RIMS2: variants seen among roughly 807,000 people sequenced by gnomAD.
The protein encoded by RIMS2 is regulating synaptic membrane exocytosis protein 2.
A neutral mutation model predicts 174.4 loss-of-function variants in RIMS2; 59 were observed. That is an observed-to-expected ratio of 0.34 (90% CI 0.27 to 0.42). RIMS2 has a LOEUF of 0.42. Ranked by LOEUF, RIMS2 falls within the 10% of genes least tolerant of loss-of-function variation. The pLI, the probability that RIMS2 is intolerant of heterozygous loss-of-function variation, is 1.00. For missense variants in RIMS2, 1,620 were observed against 1,666.3 expected (o/e 0.97, Z 0.48); for synonymous variants, 606 against 572.5 (o/e 1.06, Z -0.84).
chr8:104,190,797 C>T (rs1563653831), intron 19 of RIMS2, among the ~76,000 whole-genome samples: 1 of 151,948 alleles, frequency 6.6e-6, no homozygotes, highest in African/African-American at 2.4e-5. Context: ...TAATTTCAAG[C>T]CTTCAAAAAT....
At chr8:104,054,095 T>G (rs557444360) in intron 19 of RIMS2, among the ~76,000 whole-genome samples, 62 of 152,134 alleles carry the variant, frequency 4.1e-4, no homozygotes, top group African/African-American at 1.4e-3. Flanking sequence ...AAGAAAAAAA[T>G]AAAAACTCGG....
rs2096605661 is a variant in RIMS2 at position 104,041,361 on chromosome 8, C to T, written c.3334+26746C>T. 1.4e-6 allele frequency: 1 copy of T among 690,760 alleles called. No homozygotes were observed. The highest frequency in any genetic ancestry group is 1.5e-5 in the South Asian group (1 of 65,324). 42.8% of individuals were successfully genotyped at this position (690,760 alleles called of 1,614,324 possible). On this transcript the variant is annotated intron_variant, in intron 19 of 23. Transcript: ENST00000504942. The stretch of plus-strand genomic sequence containing the variant: ...CTCTACAAGGAGAAGATATGCAGGT[C>T]TGTCTCTTCTGCTTTTTTTGTTATT...
At chr8:104,012,691 A>G (rs906148101) in intron 17 of RIMS2, among the ~76,000 whole-genome samples, 1 of 152,162 alleles carries the variant, frequency 6.6e-6, no homozygotes, top group Admixed American at 6.5e-5. Context: ...AGGGATAGAA[A>G]GGTCAACAAT....
chr8:103,993,812 A>G (rs924041020), intron 17 of RIMS2, among the ~76,000 whole-genome samples: 3 of 152,074 alleles, frequency 2.0e-5, no homozygotes, highest in Admixed American at 1.3e-4. Flanking sequence ...ACATCACTTG[A>G]GCCCAGGAGT....
chr8:104,023,951 T>C (rs1035105327), intron 19 of RIMS2, among the ~76,000 whole-genome samples: 4 of 152,128 alleles, frequency 2.6e-5, no homozygotes, highest in Non-Finnish European at 5.9e-5. Flanking sequence ...GAATATGAAA[T>C]GATTATCGGA....
At chr8:103,652,838 A>G (rs1395305177) in intron 1 of RIMS2, 128 bp downstream of exon 3, 2 of 434,374 alleles carry the variant, frequency 4.6e-6, no homozygotes, top group Non-Finnish European at 8.4e-6. Flanking sequence ...TTAGGGTTTG[A>G]TACTGTTACC....
rs564536101 is a variant in RIMS2 at position 104,003,145 on chromosome 8, G to A, written c.3045-10297G>A. ...CTTAGAGCTATACACAACATATTAAGGAACTACTAACATCTATGGTGGGCA... is the reference window on the plus strand; with the variant it reads ...CTTAGAGCTATACACAACATATTAAAGAACTACTAACATCTATGGTGGGCA... On this transcript the variant is annotated intron_variant, in intron 17 of 23. Coordinates refer to ENST00000504942, the Ensembl canonical transcript of RIMS2. Among the ~76,000 whole-genome samples the A allele has an allele frequency of 2.6e-5, 4 of 151,932 alleles. No individual in the cohort carries two copies. In the East Asian group the frequency reaches 7.8e-4, roughly 29 times the overall value.
intron 10 of RIMS2, among the ~76,000 whole-genome samples, chr8:103,922,329 T>C (rs1595201058): frequency 1.3e-5 from 2 of 152,020 alleles, no homozygotes; most frequent in East Asian, 3.9e-4. Flanking sequence ...TTCAGATAAC[T>C]TTGCACATTA....
At chr8:103,859,853 T>G (rs1343558139) in intron 3 of RIMS2, among the ~76,000 whole-genome samples, 1 of 152,048 alleles carries the variant, frequency 6.6e-6, no homozygotes, top group Non-Finnish European at 1.5e-5. Context: ...GGGAAGAGAC[T>G]GGAGAATAGG....
chr8:104,158,405 A>T (rs2098738867), intron 19 of RIMS2, among the ~76,000 whole-genome samples: 1 of 147,940 alleles, frequency 6.8e-6, no homozygotes, highest in East Asian at 1.9e-4. Context: ...TCCTTTGGGT[A>T]TATACCCAGT....
chr8:103,744,328 G>A (rs916035812), intron 2 of RIMS2, among the ~76,000 whole-genome samples: 5 of 152,180 alleles, frequency 3.3e-5, no homozygotes, highest in African/African-American at 1.2e-4. Context: ...GCAGGCATGA[G>A]CCACCACGCC....
At chr8:104,234,685 C>G (rs2099249653) in intron 19 of RIMS2, among the ~76,000 whole-genome samples, 1 of 152,142 alleles carries the variant, frequency 6.6e-6, no homozygotes, top group Admixed American at 6.5e-5. Context: ...ATATAATTAT[C>G]TTACTGCAGA....
chr8:103,630,665 C>A (rs2095894978), intron 1 of RIMS2, among the ~76,000 whole-genome samples: 1 of 150,884 alleles, frequency 6.6e-6, no homozygotes, highest in Non-Finnish European at 1.5e-5. Flanking sequence ...ATAAGTCACA[C>A]ACACACAAAC....
chr8:103,998,059 C>A, intron 17 of RIMS2: 1 of 636,716 alleles, frequency 1.6e-6, no homozygotes, highest in South Asian at 2.1e-5. Context: ...TTTCCAATAA[C>A]AGTTTCCATG....
chr8:103,812,341 T>G (rs1178686057), intron 3 of RIMS2, among the ~76,000 whole-genome samples: 2 of 146,436 alleles, frequency 1.4e-5, no homozygotes, highest in Non-Finnish European at 1.5e-5. Context: ...GTTTTTTTTT[T>G]TTTTTTTTTT....
At chr8:103,517,346 A>C (rs1829479013) in intron 1 of RIMS2, among the ~76,000 whole-genome samples, 1 of 152,162 alleles carries the variant, frequency 6.6e-6, no homozygotes, top group South Asian at 2.1e-4. Flanking sequence ...AGCATAGTGC[A>C]TGGTGTCTTT....
chr8:103,785,440 T>A (rs2098434872), intron 3 of RIMS2, among the ~76,000 whole-genome samples: 2 of 152,038 alleles, frequency 1.3e-5, no homozygotes, highest in African/African-American at 2.4e-5. Context: ...TTGAGATACA[T>A]CCCATCAATA....
At chr8:104,103,345 A>G (rs2097947604) in intron 19 of RIMS2, among the ~76,000 whole-genome samples, 1 of 152,172 alleles carries the variant, frequency 6.6e-6, no homozygotes, top group South Asian at 2.1e-4. Flanking sequence ...TCTAAAAGCT[A>G]CTGAATCATA....
chr8:104,061,529 A>G (rs1240957184), intron 19 of RIMS2, among the ~76,000 whole-genome samples: 1 of 151,582 alleles, frequency 6.6e-6, no homozygotes, highest in Non-Finnish European at 1.5e-5. Context: ...ATTTATACAT[A>G]CTTTCAATAC....
Sources: gnomAD v4.1 joint callset for allele counts (sites outside exome capture counted in the v4.1 genomes callset) on GRCh38, gnomAD v4.1.1 for gene constraint, MANE v1.5 for transcripts, NCBI Gene and HGNC (gene_info 2026-07-23, HGNC 2026-07-21) for gene names.